The following CWC22 variants were observed in gnomAD, a reference collection of about 807,000 sequenced individuals.
The protein encoded by CWC22 is CWC22 spliceosome associated protein.
A neutral mutation model predicts 117.2 loss-of-function variants in CWC22; 53 were observed. The observed-to-expected ratio is 0.45, with a 90% confidence interval of 0.36 to 0.57. The LOEUF is 0.57. Among genes scored for constraint, CWC22 ranks in the 20% least tolerant of loss-of-function variants. The pLI, the probability that CWC22 is intolerant of heterozygous loss-of-function variation, is 0.00. For synonymous variants in CWC22, 360 were observed against 355.6 expected (o/e 1.01, Z -0.14); for missense variants, 980 against 1,068.8 (o/e 0.92, Z 1.16).
chr2:179,950,652 G>A lies in CWC22; in HGVS notation c.2000C>T (p.Ser667Phe), dbSNP rs779722829. 3.7e-6 allele frequency: 6 copies of A among 1,613,608 alleles called. No individual in the cohort carries two copies. Among genetic ancestry groups the A allele is most frequent in the Admixed American group, 3.3e-5 (2 of 60,002 alleles). ...QKPDVEQNKS[S>F]PSSSSSASSS... ...GGACGCTGAAGAGGAAGAGGATGGG[G>A]AGGATTTATTTTGCTCAACATCTGG... The change falls in exon 19 of 20, where the codon TCC becomes TTC. Residue 667 changes from serine (S) to phenylalanine (F), a missense_variant. By Grantham distance (155) the Ser-to-Phe change is radical. Coordinates refer to ENST00000410053, the MANE Select transcript of CWC22 (RefSeq NM_020943.3).
rs759237563 is a variant in CWC22 at position 179,945,154 on chromosome 2, T to C, written c.2702A>G (p.Glu901Gly). 16 of 1,600,756 alleles carry C rather than the reference T, an allele frequency of 1.0e-5. No individual in the cohort carries two copies. In the East Asian group the frequency reaches 3.6e-4, roughly 36 times the overall value. ...ESKKNQDRRR[E>G]KSPAKQK ...TTATTTTTGTTTTGCTGGAGACTTT[T>C]CTCTTCGCCGGTCCTGATTTTTCTT... The change falls in exon 20 of 20, where the codon GAA becomes GGA. Residue 901 changes from glutamate (E) to glycine (G), a missense_variant. Around this residue, in one of 3 missense-constraint regions of CWC22, gnomAD observed 306 missense variants for 296.8 expected, o/e 1.03. Transcript: ENST00000410053.
chr2:179,983,257 C>T (rs1687330566), intron 4 of CWC22, among the ~76,000 whole-genome samples: 1 of 152,066 alleles, frequency 6.6e-6, no homozygotes, highest in Non-Finnish European at 1.5e-5. Context: ...CCTCCTCCCA[C>T]CCTCCACTCT....
At chr2:179,990,245 G>A (rs1435429383) in intron 2 of CWC22, among the ~76,000 whole-genome samples, 3 of 152,042 alleles carry the variant, frequency 2.0e-5, no homozygotes, top group Non-Finnish European at 4.4e-5. Context: ...CATCAACACA[G>A]TGAAATAGAA....
chr2:179,951,010 A>G lies in CWC22; in HGVS notation c.1818-84T>C, dbSNP rs552155294. On this transcript the variant is annotated intron_variant, in intron 17 of 19. Coordinates refer to ENST00000410053, the MANE Select transcript of CWC22 (RefSeq NM_020943.3). ...TCCTTAGTCATTTTTCAGATTTTTCATATATTAAATTACTAAATGAAATAC... is the reference window on the plus strand; with the variant it reads ...TCCTTAGTCATTTTTCAGATTTTTCGTATATTAAATTACTAAATGAAATAC... The G allele has an allele frequency of 1.6e-5, 13 of 821,422 alleles. No individual in the cohort carries two copies. The African/African-American group carries it at 1.9e-4, about 12-fold the overall frequency. The allele number at this position is 821,422 out of a possible 1,614,324, so 50.9% of individuals were successfully genotyped here.
chr2:179,958,813 T>C (rs1359708135), intron 14 of CWC22, among the ~76,000 whole-genome samples: 2 of 152,168 alleles, frequency 1.3e-5, no homozygotes, highest in African/African-American at 4.8e-5. Flanking sequence ...CCATATCTCA[T>C]TTGAGCAGAA....
chr2:179,990,830 A>G (rs192600111), intron 2 of CWC22, among the ~76,000 whole-genome samples: 2 of 152,350 alleles, frequency 1.3e-5, no homozygotes, highest in Admixed American at 6.5e-5. Flanking sequence ...ACTGGCACAC[A>G]TAGTAAGTGC....
chr2:179,952,330 G>A (rs1186123866), intron 17 of CWC22, 141 bp downstream of exon 17: 1 of 492,062 alleles, frequency 2.0e-6, no homozygotes, highest in East Asian at 3.5e-5. Context: ...GACATAACAT[G>A]AAATTCACAG....
At chr2:179,985,514 A>T (rs1375836653) in intron 4 of CWC22, among the ~76,000 whole-genome samples, 1 of 152,032 alleles carries the variant, frequency 6.6e-6, no homozygotes, top group African/African-American at 2.4e-5. Flanking sequence ...GCAAATACAG[A>T]GGCCCTTTAG....
chr2:179,963,418 C>T (rs1686806544), intron 13 of CWC22, among the ~76,000 whole-genome samples: 1 of 138,652 alleles, frequency 7.2e-6, no homozygotes, highest in East Asian at 2.2e-4. Flanking sequence ...TCTCGGCTCA[C>T]TGCAAGCTCC....
chr2:179,992,070 T>G (rs966584994), intron 2 of CWC22, among the ~76,000 whole-genome samples: 3 of 152,216 alleles, frequency 2.0e-5, no homozygotes, highest in South Asian at 2.1e-4. Context: ...GAGCTTGCAA[T>G]CTACTGCTTC....
chr2:179,994,049 C>G (rs1357048546), intron 1 of CWC22, among the ~76,000 whole-genome samples: 1 of 152,090 alleles, frequency 6.6e-6, no homozygotes, highest in African/African-American at 2.4e-5. Context: ...CAGAATAAAC[C>G]TAGTCATCAG....
chr2:179,960,725 A>G (rs552638399), intron 13 of CWC22, among the ~76,000 whole-genome samples: 40 of 152,102 alleles, frequency 2.6e-4, no homozygotes, highest in Admixed American at 1.2e-3. Context: ...TGAACACAGG[A>G]ATATTTACAC....
At chr2:179,973,130 G>C (rs1467171314) in intron 8 of CWC22, 63 bp downstream of exon 8, 1 of 987,376 alleles carries the variant, frequency 1.0e-6, no homozygotes, top group Admixed American at 2.1e-5. Context: ...TATCAGTGAA[G>C]TGGCATCAAC....
At chr2:179,968,467 A>T (rs1686946413) in intron 11 of CWC22, among the ~76,000 whole-genome samples, 1 of 152,056 alleles carries the variant, frequency 6.6e-6, no homozygotes, top group Non-Finnish European at 1.5e-5. Flanking sequence ...GCTTCCCATT[A>T]GGCCAGACAG....
At chr2:179,987,190 T>C (rs1687439939) in intron 3 of CWC22, among the ~76,000 whole-genome samples, 1 of 152,214 alleles carries the variant, frequency 6.6e-6, no homozygotes. Flanking sequence ...CCAAGGTCAT[T>C]GGCTGGCCTC....
At chr2:179,956,258 C>A (rs1686588339) in intron 14 of CWC22, among the ~76,000 whole-genome samples, 2 of 151,876 alleles carry the variant, frequency 1.3e-5, no homozygotes, top group Admixed American at 1.3e-4. Flanking sequence ...AGAACAGATA[C>A]TCTAGAATTA....
chr2:179,960,487 TAACA>T, intron 13 of CWC22, among the ~76,000 whole-genome samples: 1 of 152,048 alleles, frequency 6.6e-6, no homozygotes, highest in East Asian at 1.9e-4. Context: ...TACAACTACC[TAACA>T]TTTTTAAGAA....
chr2:179,991,721 T>G (rs1687571919), intron 2 of CWC22, among the ~76,000 whole-genome samples: 1 of 152,196 alleles, frequency 6.6e-6, no homozygotes, highest in Non-Finnish European at 1.5e-5. Flanking sequence ...GTACAAGGTT[T>G]CCTTTACGTC....
At chr2:180,001,873 TGA>T (rs1687857237) in intron 1 of CWC22, among the ~76,000 whole-genome samples, 1 of 152,252 alleles carries the variant, frequency 6.6e-6, no homozygotes, top group African/African-American at 2.4e-5. Context: ...TTACTATGCC[TGA>T]GAGTTTAGTA....
Sources: gnomAD v4.1 joint callset for allele counts (sites outside exome capture counted in the v4.1 genomes callset) on GRCh38, gnomAD v4.1.1 for gene constraint, gnomAD v4.1.1 regional missense constraint, MANE v1.5 for transcripts, NCBI Gene and HGNC (gene_info 2026-07-23, HGNC 2026-07-21) for gene names.